TCEA1: variants seen among roughly 807,000 people sequenced by gnomAD.
TCEA1 encodes transcription elongation factor A protein 1.
TCEA1 carries 21 observed loss-of-function variants against 43.8 expected under a neutral mutation model. The observed-to-expected ratio is 0.48, with a 90% confidence interval of 0.34 to 0.69. TCEA1 has a LOEUF of 0.69. Ranked by LOEUF, TCEA1 falls within the 30% of genes least tolerant of loss-of-function variation. The pLI, the probability that TCEA1 is intolerant of heterozygous loss-of-function variation, is 0.01. For missense variants in TCEA1, 250 were observed against 365.1 expected, an observed-to-expected ratio of 0.68 and a Z score of 2.57; for synonymous variants, 104 against 117.5, an observed-to-expected ratio of 0.88 and a Z score of 0.75.
At chr8:54,008,173 A>AC in intron 2 of TCEA1, among the ~76,000 whole-genome samples, 1 of 82,824 alleles carries the variant, frequency 1.2e-5, no homozygotes, top group Non-Finnish European at 2.4e-5. Flanking sequence ...ACTGTGTCTC[A>AC]AAAAAAAAAA....
At chr8:53,997,486 G>C (rs1406184671) in intron 3 of TCEA1, among the ~76,000 whole-genome samples, 1 of 152,140 alleles carries the variant, frequency 6.6e-6, no homozygotes, top group African/African-American at 2.4e-5. Context: ...AATCACTCTG[G>C]ATATGATACC....
chr8:54,022,007 T>A lies in TCEA1; in HGVS notation c.63+56A>T, dbSNP rs1311099027. 6 of 1,512,492 alleles carry A rather than the reference T, an allele frequency of 4.0e-6. No individual in the cohort carries two copies. The Admixed American group carries it at 1.1e-4, about 27-fold the overall frequency. The allele number at this position is 1,512,492 out of a possible 1,614,324, so 93.7% of individuals were successfully genotyped here. On this transcript the variant is annotated intron_variant, in intron 1 of 9. Coordinates refer to ENST00000521604, the MANE Select transcript of TCEA1 (RefSeq NM_006756.4). ...GAGAAGGAGGGAGGGGGCGGCCCCC[T>A]CGGGCCGGACCGCGGCCCGGCCTCC...
chr8:53,967,950 G>T lies in TCEA1; in HGVS notation c.*154C>A. 1 of 528,526 alleles carries T rather than the reference G, an allele frequency of 1.9e-6. No individual in the cohort carries two copies. The highest frequency in any genetic ancestry group is 3.5e-6 in the Non-Finnish European group (1 of 288,848). The allele number at this position is 528,526 out of a possible 1,614,324, so 32.7% of individuals were successfully genotyped here. A position where few individuals can be genotyped will look rare whatever the true frequency, so the allele number is the denominator to read the frequency against. ...CCCTACTGATCTGAAACTACAGAAG[G>T]CATTTAAGGAAGGGATGTTAGGTCA... On this transcript the variant is annotated 3_prime_UTR_variant, in exon 10 of 10. Coordinates refer to ENST00000521604, the MANE Select transcript of TCEA1 (RefSeq NM_006756.4).
chr8:53,971,081 AG>A (rs1403153028), intron 8 of TCEA1: 1 of 152,326 alleles, frequency 6.6e-6, no homozygotes, highest in Non-Finnish European at 1.5e-5. Flanking sequence ...AATGACATAA[AG>A]TAAAAGTATA....
intron 7 of TCEA1, among the ~76,000 whole-genome samples, chr8:53,981,476 A>G (rs1274107743): frequency 6.6e-6 from 1 of 152,118 alleles, no homozygotes; most frequent in Non-Finnish European, 1.5e-5. Flanking sequence ...TGCTACCTCT[A>G]CTCTGTCTGT....
At chr8:53,989,684 A>T (rs1345744823) in intron 4 of TCEA1, among the ~76,000 whole-genome samples, 4 of 152,160 alleles carry the variant, frequency 2.6e-5, no homozygotes, top group Non-Finnish European at 1.5e-5. Flanking sequence ...TTGTATTTTC[A>T]TTATGTAGCA....
intron 2 of TCEA1, among the ~76,000 whole-genome samples, chr8:54,001,037 C>A (rs1167616326): frequency 6.6e-6 from 1 of 152,128 alleles, no homozygotes; most frequent in Non-Finnish European, 1.5e-5. Context: ...GGATTACAAG[C>A]ATGAGCCACC....
At chr8:53,985,162 G>A (rs985388810) in intron 6 of TCEA1, among the ~76,000 whole-genome samples, 2 of 151,896 alleles carry the variant, frequency 1.3e-5, no homozygotes, top group African/African-American at 2.4e-5. Flanking sequence ...GATTATAAGC[G>A]CCTGCCACCA....
intron 2 of TCEA1, among the ~76,000 whole-genome samples, chr8:54,004,734 A>G (rs923301290): frequency 6.6e-6 from 1 of 152,154 alleles, no homozygotes; most frequent in African/African-American, 2.4e-5. Context: ...CATACACTTT[A>G]AATGAATGAA....
chr8:54,003,728 G>A (rs1263415146), intron 2 of TCEA1, among the ~76,000 whole-genome samples: 4 of 151,938 alleles, frequency 2.6e-5, no homozygotes, highest in Admixed American at 2.0e-4. Flanking sequence ...TCATGACCTT[G>A]GATTAGGGAA....
At chr8:53,976,022 C>A (rs1343119644) in intron 8 of TCEA1, among the ~76,000 whole-genome samples, 1 of 151,972 alleles carries the variant, frequency 6.6e-6, no homozygotes, top group Non-Finnish European at 1.5e-5. Flanking sequence ...AAGAGAATTA[C>A]CAGAATCAAA....
At chr8:53,984,776 G>A (rs1204465892) in intron 6 of TCEA1, among the ~76,000 whole-genome samples, 5 of 151,856 alleles carry the variant, frequency 3.3e-5, no homozygotes, top group Admixed American at 2.6e-4. Flanking sequence ...CCAGCTACTC[G>A]GGAGGCTGAG....
intron 6 of TCEA1, among the ~76,000 whole-genome samples, chr8:53,984,919 C>A (rs780064790): frequency 8.6e-5 from 13 of 151,766 alleles, no homozygotes; most frequent in African/African-American, 3.1e-4. Flanking sequence ...AAGCAATTCA[C>A]GACAACTGTT....
chr8:54,022,045 G>C lies in TCEA1; in HGVS notation c.63+18C>G. On this transcript the variant is annotated intron_variant, in intron 1 of 9. Transcript: ENST00000521604. ...CGGCCCGGCCTCCCTCCCGGCCCGC[G>C]CCGCTCGCCGCGCTCACCGCGTTCT... is the stretch of plus-strand genomic sequence containing the variant. The C allele has an allele frequency of 1.3e-6, 2 of 1,576,158 alleles. No homozygotes were observed. The highest frequency in any genetic ancestry group is 1.7e-6 in the Non-Finnish European group (2 of 1,163,678).
chr8:53,991,698 A>AAATAAT (rs970053713), intron 4 of TCEA1, among the ~76,000 whole-genome samples: 3 of 151,518 alleles, frequency 2.0e-5, no homozygotes, highest in Admixed American at 2.0e-4. Flanking sequence ...CTGTCTCAAA[A>AAATAAT]AATAATAATA....
At chr8:53,995,700 C>T (rs1201621224) in intron 3 of TCEA1, among the ~76,000 whole-genome samples, 1 of 152,198 alleles carries the variant, frequency 6.6e-6, no homozygotes, top group Non-Finnish European at 1.5e-5. Context: ...AAGCTCCGAA[C>T]CAGATCCATT....
chr8:54,019,999 A>G (rs1384304423), intron 1 of TCEA1, among the ~76,000 whole-genome samples: 1 of 152,234 alleles, frequency 6.6e-6, no homozygotes, highest in Admixed American at 6.6e-5. Context: ...TTCCAGACTC[A>G]TTACAAAAGA....
chr8:53,971,903 A>G lies in TCEA1; in HGVS notation c.826-1440T>C, dbSNP rs978586129. On this transcript the variant is annotated intron_variant, in intron 8 of 9. Coordinates refer to ENST00000521604, the MANE Select transcript of TCEA1 (RefSeq NM_006756.4). ...TTCTGAGAGAATTAAAAAAATGAAA[A>G]CCATGTAAATCTAAGATAGCTCCCA... 5.4e-5 allele frequency: 10 copies of G among 186,670 alleles called. No homozygotes were observed. In the East Asian group the frequency reaches 1.4e-3, roughly 25 times the overall value. 11.6% of individuals were successfully genotyped at this position (186,670 alleles called of 1,614,324 possible).
At chr8:53,986,299 C>T (rs1357167709) in intron 6 of TCEA1, among the ~76,000 whole-genome samples, 1 of 152,210 alleles carries the variant, frequency 6.6e-6, no homozygotes, top group Non-Finnish European at 1.5e-5. Flanking sequence ...GCCCAGAGTC[C>T]TCAGCTAGCC....
Sources: gnomAD v4.1 joint callset for allele counts (sites outside exome capture counted in the v4.1 genomes callset) on GRCh38, gnomAD v4.1.1 for gene constraint, MANE v1.5 for transcripts, NCBI Gene and HGNC (gene_info 2026-07-23, HGNC 2026-07-21) for gene names.